GALK2: variants seen among roughly 807,000 people sequenced by gnomAD.
GALK2 encodes N-acetylgalactosamine kinase.
In GALK2, 36 loss-of-function variants were observed where a neutral mutation model predicts 52.4. That is an observed-to-expected ratio of 0.69 (90% CI 0.53 to 0.91). GALK2 has a LOEUF of 0.91. Among genes scored for constraint, GALK2 ranks in the 40% least tolerant of loss-of-function variants. The pLI, the probability that GALK2 is intolerant of heterozygous loss-of-function variation, is 0.00. For synonymous variants in GALK2, 176 were observed against 199.1 expected, an observed-to-expected ratio of 0.88 and a Z score of 0.98; for missense variants, 579 against 559.1, an observed-to-expected ratio of 1.04 and a Z score of -0.36.
chr15:49,239,225 A>T lies in GALK2; in HGVS notation c.362A>T (p.His121Leu), dbSNP rs1388585321. The T allele has an allele frequency of 1.2e-6, 2 of 1,613,844 alleles. No homozygotes were observed. Among genetic ancestry groups the T allele is most frequent in the South Asian group, 2.2e-5 (2 of 91,076 alleles). The change falls in exon 5 of 10, where the codon CAC (histidine) becomes CTC (leucine). Residue 121 changes from histidine to leucine, a missense_variant. Transcript: ENST00000560031. ...TGTTTTTCCTTATATTCTTAGGAAC[A>T]CTTTGGTCTTAGTAACCTGACTGGA... ...FLCGLKGIQEHFGLSNLTGMN... is the reference protein window; with the variant it reads ...FLCGLKGIQELFGLSNLTGMN...
chr15:49,220,283 C>G (rs1297816236), intron 3 of GALK2, among the ~76,000 whole-genome samples: 1 of 151,978 alleles, frequency 6.6e-6, no homozygotes, highest in Non-Finnish European at 1.5e-5. Context: ...CATTCCTCAC[C>G]TCTATTATCT....
At position 49,365,561 on chromosome 15, in the gene GALK2, C is replaced by T. The variant is rs976312433; in HGVS notation, c.427-1930C>T. 10 of 885,320 alleles carry T rather than the reference C, an allele frequency of 1.1e-5. No homozygotes were observed. In the African/African-American group the frequency reaches 1.5e-4, roughly 13 times the overall value. The allele number at this position is 885,320 out of a possible 1,614,324, so 54.8% of individuals were successfully genotyped here. A position where few individuals can be genotyped will look rare whatever the true frequency, so the allele number is the denominator to read the frequency against. On this transcript the variant is annotated intron_variant, in intron 3 of 3. Transcript: ENST00000558399. Reference sequence around the variant, plus strand: ...AATGTTTCAGTATTTTCAAAAGGTCCAGCTGCAAGTTTAACCATGATACTC... The same window carrying T: ...AATGTTTCAGTATTTTCAAAAGGTCTAGCTGCAAGTTTAACCATGATACTC...
At chr15:49,337,299 G>A (rs867285853) in intron 3 of GALK2, among the ~76,000 whole-genome samples, 10 of 152,118 alleles carry the variant, frequency 6.6e-5, no homozygotes, top group South Asian at 2.1e-4. Context: ...ACTAATTTAC[G>A]TTCCCACCAA....
intron 5 of GALK2, among the ~76,000 whole-genome samples, chr15:49,252,734 C>T (rs569755612): frequency 7.5e-5 from 11 of 145,734 alleles, no homozygotes; most frequent in African/African-American, 2.7e-4. Context: ...GATATGATAA[C>T]TTTACTTTTG....
intron 1 of GALK2, among the ~76,000 whole-genome samples, chr15:49,199,791 A>G (rs2087580130): frequency 1.3e-5 from 2 of 152,184 alleles, no homozygotes; most frequent in Admixed American, 6.5e-5. Context: ...TAAGAGGTTC[A>G]CAGAAGTAGG....
At chr15:49,315,381 G>A (rs960583464) in intron 8 of GALK2, among the ~76,000 whole-genome samples, 1 of 152,200 alleles carries the variant, frequency 6.6e-6, no homozygotes, top group African/African-American at 2.4e-5. Context: ...ATAGACAGCT[G>A]GAACATCCAG....
At chr15:49,260,922 C>A (rs2092074112) in intron 5 of GALK2, among the ~76,000 whole-genome samples, 1 of 152,102 alleles carries the variant, frequency 6.6e-6, no homozygotes, top group South Asian at 2.1e-4. Context: ...TTCCATTGAT[C>A]TATATCTCTG....
At chr15:49,270,347 G>T (rs2030289876) in intron 5 of GALK2, among the ~76,000 whole-genome samples, 1 of 152,190 alleles carries the variant, frequency 6.6e-6, no homozygotes, top group Admixed American at 6.5e-5. Flanking sequence ...GATCAGAATA[G>T]AGGAATCATT....
chr15:49,248,757 T>C (rs1037141635), intron 5 of GALK2, among the ~76,000 whole-genome samples: 4 of 152,198 alleles, frequency 2.6e-5, no homozygotes, highest in African/African-American at 7.2e-5. Context: ...GCTATTTGTC[T>C]TTGCAGACGT....
intron 1 of GALK2, among the ~76,000 whole-genome samples, chr15:49,185,073 T>C (rs918569165): frequency 2.6e-5 from 4 of 152,150 alleles, no homozygotes; most frequent in Non-Finnish European, 5.9e-5. Context: ...GCCTGTATCC[T>C]GTCATTCAGG....
intron 2 of GALK2, among the ~76,000 whole-genome samples, chr15:49,216,530 A>G (rs2089388171): frequency 6.6e-6 from 1 of 152,224 alleles, no homozygotes; most frequent in African/African-American, 2.4e-5. Context: ...ACACTTGGTC[A>G]CACATCACAA....
At chr15:49,201,581 C>T (rs1172835797) in intron 2 of GALK2, among the ~76,000 whole-genome samples, 4 of 152,086 alleles carry the variant, frequency 2.6e-5, no homozygotes, top group African/African-American at 9.7e-5. Context: ...TATTTACTCA[C>T]TGGGTTAGAG....
At chr15:49,232,528 C>T (rs190682961) in intron 3 of GALK2, among the ~76,000 whole-genome samples, 1 of 152,322 alleles carries the variant, frequency 6.6e-6, no homozygotes, top group East Asian at 1.9e-4. Context: ...TTGAACTCCT[C>T]CTCCAAAAAG....
intron 9 of GALK2, chr15:49,327,158 G>A (rs2037642893): frequency 6.6e-6 from 1 of 152,184 alleles, no homozygotes; most frequent in Non-Finnish European, 1.5e-5. Context: ...CTGGTTTACA[G>A]TAACTAAAAT....
intron 2 of GALK2, among the ~76,000 whole-genome samples, chr15:49,209,616 TTGATG>T (rs1427922184): frequency 6.6e-6 from 1 of 152,236 alleles, no homozygotes; most frequent in African/African-American, 2.4e-5. Context: ...CTTCATTCTG[TTGATG>T]TGATATATCG....
chr15:49,155,799 A>C, exon 1 of GALK2: 1 of 691,480 alleles, frequency 1.4e-6, no homozygotes, highest in Non-Finnish European at 2.4e-6. Flanking sequence ...TTAGCAACTA[A>C]AGCTGGCAAC....
intron 2 of GALK2, among the ~76,000 whole-genome samples, chr15:49,213,158 A>G (rs929672329): frequency 6.6e-6 from 1 of 152,184 alleles, no homozygotes; most frequent in African/African-American, 2.4e-5. Context: ...TTTGTTTTAC[A>G]TATCTGAGTG....
intron 5 of GALK2, among the ~76,000 whole-genome samples, chr15:49,270,526 G>A (rs1465969035): frequency 2.0e-5 from 3 of 152,184 alleles, no homozygotes; most frequent in South Asian, 2.1e-4. Flanking sequence ...ATGACCTTCA[G>A]TAGATGCTCT....
At chr15:49,200,042 TA>T (rs1346572890) in intron 1 of GALK2, among the ~76,000 whole-genome samples, 1 of 152,180 alleles carries the variant, frequency 6.6e-6, no homozygotes. Flanking sequence ...ATTTCCTGAA[TA>T]TATTAGGCTT....
Sources: allele counts gnomAD v4.1 joint callset (sites outside exome capture counted in the v4.1 genomes callset), GRCh38; gene constraint gnomAD v4.1.1; transcripts MANE v1.5; gene names NCBI Gene and HGNC (gene_info 2026-07-23, HGNC 2026-07-21).